The following MRC2 variants were observed in gnomAD, a reference collection of about 807,000 sequenced individuals.
MRC2 encodes mannose receptor C-type 2.
Under a neutral mutation model 206.2 loss-of-function variants are expected in MRC2, and 84 were observed. The observed-to-expected ratio is 0.41, with a 90% CI of 0.34 to 0.49. MRC2 has a LOEUF of 0.49. MRC2 is among the 20% of genes least tolerant of loss of function. The pLI is 0.31. For missense variants in MRC2, 1,676 were observed against 2,001.5 expected (o/e 0.84, Z 3.10); for synonymous variants, 798 against 800.0 (o/e 1.00, Z 0.04).
intron 1 of MRC2, among the ~76,000 whole-genome samples, chr17:62,636,814 C>A (rs2088327040): frequency 6.6e-6 from 1 of 152,048 alleles, no homozygotes; most frequent in South Asian, 2.1e-4. Flanking sequence ...CTATGTTGCC[C>A]AGGCCTGGCT....
At chr17:62,632,808 C>T (rs2088261342) in intron 1 of MRC2, among the ~76,000 whole-genome samples, 1 of 152,178 alleles carries the variant, frequency 6.6e-6, no homozygotes, top group African/African-American at 2.4e-5. Flanking sequence ...CCAGGGATCA[C>T]CTCAGGAGGG....
Position 62,675,382 on chromosome 17 carries a change from C to T in MRC2, c.1570-408C>T, listed in dbSNP as rs565553617. Among the ~76,000 whole-genome samples, 1 of 152,324 alleles carries T rather than the reference C, an allele frequency of 6.6e-6. No homozygotes were observed. Among genetic ancestry groups the T allele is most frequent in the African/African-American group, 2.4e-5 (1 of 41,568 alleles). ...GCCGACTCCAGCTTTGCCAGGCCCT[C>T]GAGGACTGCCCATCCCCTCTCCATC... On this transcript the variant is annotated intron_variant, in intron 9 of 29. Transcript: ENST00000303375. This position sits in a 1 kb window ranked among gnomAD's most constrained non-coding sequence, Gnocchi z 4.1.
chr17:62,629,856 G>A (rs1490398482), intron 1 of MRC2, among the ~76,000 whole-genome samples: 1 of 152,256 alleles, frequency 6.6e-6, no homozygotes, highest in Non-Finnish European at 1.5e-5. Flanking sequence ...TGCTGGGGGC[G>A]AGGCTTATGC....
chr17:62,689,885 C>A lies in MRC2; in HGVS notation c.3574-9C>A, dbSNP rs762242167. The stretch of plus-strand genomic sequence containing the variant: ...CCCTTCCTCCCACCCCATGGCCCCC[C>A]ATGCCCAGGGCTCTCGGCGGTACTC... On this transcript the variant is annotated splice_polypyrimidine_tract_variant and intron_variant, in intron 24 of 29. Coordinates refer to ENST00000303375, the MANE Select transcript of MRC2 (RefSeq NM_006039.5). 5.1e-6 allele frequency: 8 copies of A among 1,583,682 alleles called. No individual in the cohort carries two copies. The highest frequency in any genetic ancestry group is 6.9e-6 in the Non-Finnish European group (8 of 1,165,678).
rs1357236154 is a variant in MRC2, at chr17:62,692,569, C to A, written c.*118C>A. On this transcript the variant is annotated 3_prime_UTR_variant, in exon 30 of 30. Transcript: ENST00000303375. This position sits in a 1 kb window ranked among gnomAD's most constrained non-coding sequence, Gnocchi z 4.2. ...CCTATGGAAGGGTGCCCTTGGGAGT[C>A]GCTGTTGGGAGCCGGAGCTGGGCAG... is the stretch of plus-strand genomic sequence containing the variant. The A allele has an allele frequency of 9.3e-7, 1 of 1,073,016 alleles. No homozygotes were observed. The highest frequency in any genetic ancestry group is 1.5e-5 in the South Asian group (1 of 64,632). The allele number at this position is 1,073,016 out of a possible 1,614,324, so 66.5% of individuals were successfully genotyped here.
At chr17:62,651,832 A>G (rs2088559308) in intron 1 of MRC2, among the ~76,000 whole-genome samples, 1 of 152,138 alleles carries the variant, frequency 6.6e-6, no homozygotes, top group Non-Finnish European at 1.5e-5. Flanking sequence ...TCGGCCTCCC[A>G]AAATGCTGGA....
At chr17:62,677,523 A>C in intron 12 of MRC2, 37 bp downstream of exon 12, 1 of 1,533,460 alleles carries the variant, frequency 6.5e-7, no homozygotes, top group Non-Finnish European at 8.8e-7. Context: ...GGGCAGGGGG[A>C]GGACAGGAGC....
Position 62,664,742 on chromosome 17 carries a change from GC to G in MRC2, c.315del (p.Ser106ProfsTer12). The G allele has an allele frequency of 6.2e-7, 1 of 1,613,962 alleles. No homozygotes were observed. The highest frequency in any genetic ancestry group is 8.5e-7 in the Non-Finnish European group (1 of 1,180,034). On this transcript the variant is annotated frameshift_variant, in exon 2 of 30. Transcript: ENST00000303375. LOFTEE classifies it high-confidence loss of function. The surrounding 1 kb of genome is among the most constrained non-coding windows in gnomAD (Gnocchi z 4.7). ...AGGCTGGCCAGGCACCAACACCACG[GC>G]CTCCCTGGGCATGTATGAGTGTGAC... ...GTGWPGTNTT[A>X]SLGMYECDRE...
rs139797146 is a variant in MRC2 at position 62,656,940 on chromosome 17, T to C, written c.119-7608T>C. 2.8e-3 allele frequency among the ~76,000 whole-genome samples: 422 copies of C among 152,282 alleles called. 2 individuals are homozygous for C. Among genetic ancestry groups the C allele is most frequent in the African/African-American group, 9.7e-3 (403 of 41,566 alleles). On this transcript the variant is annotated intron_variant, in intron 1 of 29. Coordinates refer to ENST00000303375, the MANE Select transcript of MRC2 (RefSeq NM_006039.5). ...TATTATCCCCTCATCGTAGGAAGCA[T>C]GGCCATTGGCAGCCCCAGCCTAGCA...
chr17:62,679,952 C>CG (rs1391293343), intron 14 of MRC2, 50 bp downstream of exon 14: 1 of 821,950 alleles, frequency 1.2e-6, no homozygotes, highest in South Asian at 1.5e-5. Context: ...GCTTGGTGGG[C>CG]GGGGCCTGTT....
intron 1 of MRC2, among the ~76,000 whole-genome samples, chr17:62,642,722 C>T (rs540370141): frequency 6.6e-5 from 10 of 152,308 alleles, no homozygotes; most frequent in African/African-American, 1.9e-4. Flanking sequence ...GCTGAGATTA[C>T]ATGTGTGAAC....
Position 62,664,860 on chromosome 17 carries a change from C to T in MRC2, c.431C>T (p.Pro144Leu), listed in dbSNP as rs545953172. 21 of 1,613,802 alleles carry T rather than the reference C, an allele frequency of 1.3e-5. No individual in the cohort carries two copies. The South Asian group carries it at 2.1e-4, about 16-fold the overall frequency. The change falls in exon 2 of 30, where the codon CCT becomes CTT. Residue 144 changes from proline (P) to leucine (L), a missense_variant. Pro to Leu is a moderately conservative substitution (Grantham distance 98). Coordinates refer to ENST00000303375, the MANE Select transcript of MRC2 (RefSeq NM_006039.5). This position sits in a 1 kb window ranked among gnomAD's most constrained non-coding sequence, Gnocchi z 4.7. ...LGARTSNISK[P>L]GTLERGDQTR... ...GCCCGCACCAGCAACATATCCAAGC[C>T]TGGCACCCTTGAGCGTGGTGACCAG...
In MRC2 at chr17:62,680,688, C is replaced by A; in HGVS notation, c.2474-112C>A. On this transcript the variant is annotated intron_variant, in intron 16 of 29. Coordinates refer to ENST00000303375, the MANE Select transcript of MRC2 (RefSeq NM_006039.5). This position sits in a 1 kb window ranked among gnomAD's most constrained non-coding sequence, Gnocchi z 4.8. The stretch of plus-strand genomic sequence containing the variant: ...TGCCTGCCTGGGTCCGGTGTGCCTG[C>A]AGGCTCGCCTGCTGCCGCCTGGCTC... 1 of 1,345,058 alleles carries A rather than the reference C, an allele frequency of 7.4e-7. No homozygotes were observed. The highest frequency in any genetic ancestry group is 9.7e-7 in the Non-Finnish European group (1 of 1,029,878). 83.3% of individuals were successfully genotyped at this position (1,345,058 alleles called of 1,614,324 possible).
chr17:62,666,155 C>T lies in MRC2; in HGVS notation c.582C>T (p.Asp194=), dbSNP rs1277696286. The change falls in exon 3 of 30, where the codon GAC becomes GAT. Residue 194 remains aspartate (D), a synonymous_variant. Transcript: ENST00000303375. The surrounding 1 kb of genome is among the most constrained non-coding windows in gnomAD (Gnocchi z 5.0). The part of the protein sequence containing the change: ...GKPCTIPFKY[D]NQWFHGCTST... The stretch of plus-strand genomic sequence containing the variant: ...CGTGCACCATCCCCTTCAAATATGA[C>T]AACCAGTGGTTCCACGGCTGCACCA... 2 of 1,600,022 alleles carry T rather than the reference C, an allele frequency of 1.2e-6. No individual in the cohort carries two copies. Among genetic ancestry groups the T allele is most frequent in the Non-Finnish European group, 1.7e-6 (2 of 1,173,172 alleles).
At chr17:62,677,725 C>A (rs554200509) in intron 12 of MRC2, among the ~76,000 whole-genome samples, 3 of 152,318 alleles carry the variant, frequency 2.0e-5, no homozygotes, top group African/African-American at 7.2e-5. Flanking sequence ...GCCAGCCTAG[C>A]TGTTCTTCAG....
chr17:62,627,698 G>A lies in MRC2; in HGVS notation c.-105G>A. 1 of 798,760 alleles carries A rather than the reference G, an allele frequency of 1.3e-6. No individual in the cohort carries two copies. Among genetic ancestry groups the A allele is most frequent in the Non-Finnish European group, 1.7e-6 (1 of 571,666 alleles). 49.5% of individuals were successfully genotyped at this position (798,760 alleles called of 1,614,324 possible). A position where few individuals can be genotyped will look rare whatever the true frequency, so the allele number is the denominator to read the frequency against. On this transcript the variant is annotated 5_prime_UTR_variant, in exon 1 of 30. Coordinates refer to ENST00000303375, the MANE Select transcript of MRC2 (RefSeq NM_006039.5). ...ACTTCGTCCCGACCCGGAGGAGGAC[G>A]CGAGCCCCTTGCGGGCGGTCATCAC...
chr17:62,679,857 G>A lies in MRC2; in HGVS notation c.2253G>A (p.Arg751=). The A allele has an allele frequency of 1.9e-6, 3 of 1,613,916 alleles. No individual in the cohort carries two copies. The highest frequency in any genetic ancestry group is 2.5e-6 in the Non-Finnish European group (3 of 1,180,012). Residue 751 remains arginine, a synonymous_variant, in exon 14 of 30, where the codon CGG becomes CGA. Transcript: ENST00000303375. ...QHWFWIGLNR[R]DPRGGQSWRW... ...GGTTCTGGATCGGCCTGAACCGTCG[G>A]GATCCCAGAGGGGGTCAGAGTTGGC...
At chr17:62,673,434 C>A (rs1436753451) in intron 8 of MRC2, among the ~76,000 whole-genome samples, 2 of 152,092 alleles carry the variant, frequency 1.3e-5, no homozygotes, top group East Asian at 3.9e-4. Flanking sequence ...CCATCAGTTA[C>A]TCTAACAATC....
chr17:62,635,189 CTCT>C (rs2088297702), intron 1 of MRC2, among the ~76,000 whole-genome samples: 2 of 114,564 alleles, frequency 1.7e-5, no homozygotes, highest in Non-Finnish European at 1.7e-5. Flanking sequence ...TGCTATTTTT[CTCT>C]TTTTTTTTTT....
Sources: allele counts gnomAD v4.1 joint callset (sites outside exome capture counted in the v4.1 genomes callset), GRCh38; gene constraint gnomAD v4.1.1; non-coding constraint Gnocchi (gnomAD v3.1); transcripts MANE v1.5; gene names NCBI Gene and HGNC (gene_info 2026-07-23, HGNC 2026-07-21).